CAMTA1: variants seen among roughly 807,000 people sequenced by gnomAD.
The protein encoded by CAMTA1 is calmodulin binding transcription activator 1, also known as calmodulin-binding transcription activator 1.
Under a neutral mutation model 170.9 loss-of-function variants are expected in CAMTA1, and 27 were observed. That is an observed-to-expected ratio of 0.16 (90% CI 0.12 to 0.22). The LOEUF (loss-of-function observed/expected upper bound fraction) is 0.22. Among genes scored for constraint, CAMTA1 ranks in the 10% least tolerant of loss-of-function variants. CAMTA1 has a pLI of 1.00. For missense variants in CAMTA1, 1,619 were observed against 2,217.2 expected, an observed-to-expected ratio of 0.73 and a Z score of 5.42; for synonymous variants, 833 against 891.5, an observed-to-expected ratio of 0.93 and a Z score of 1.17.
chr1:7,109,163 T>G (rs930938330), intron 4 of CAMTA1, among the ~76,000 whole-genome samples: 11 of 152,206 alleles, frequency 7.2e-5, no homozygotes, highest in African/African-American at 2.7e-4. Flanking sequence ...ATCTCACAAG[T>G]GACATCCTTT....
chr1:7,154,335 T>A (rs144711057), intron 4 of CAMTA1, among the ~76,000 whole-genome samples: 1,525 of 152,226 alleles, frequency 0.01, 26 homozygotes, highest in African/African-American at 0.034. Context: ...CCTGGAGTCA[T>A]TGATAAATGA....
chr1:7,255,300 T>TA (rs1188955107), intron 5 of CAMTA1, among the ~76,000 whole-genome samples: 1 of 151,870 alleles, frequency 6.6e-6, no homozygotes, highest in Non-Finnish European at 1.5e-5. Context: ...AATAAAAAAA[T>TA]AAAAAATTAT....
chr1:7,751,512 CTG>C (rs1228978247), intron 20 of CAMTA1, 120 bp downstream of exon 20: 2 of 782,064 alleles, frequency 2.6e-6, no homozygotes, highest in Non-Finnish European at 3.9e-6. Context: ...TTGGCAGTCA[CTG>C]TGTTCCAGAA....
intron 7 of CAMTA1, among the ~76,000 whole-genome samples, chr1:7,652,265 G>A (rs993377532): frequency 5.9e-5 from 9 of 152,168 alleles, no homozygotes; most frequent in Admixed American, 4.6e-4. Context: ...ATGCAGCGTT[G>A]CTGAGATGTC....
chr1:7,130,402 T>G (rs1645182777), intron 4 of CAMTA1, among the ~76,000 whole-genome samples: 1 of 152,244 alleles, frequency 6.6e-6, no homozygotes, highest in South Asian at 2.1e-4. Context: ...TTCTACTTTT[T>G]GGCTATTACA....
At chr1:7,431,950 C>T (rs911169081) in intron 5 of CAMTA1, among the ~76,000 whole-genome samples, 15 of 152,280 alleles carry the variant, frequency 9.9e-5, no homozygotes, top group Non-Finnish European at 1.9e-4. Flanking sequence ...ACTCTAGGAC[C>T]CCCGAAGGCA....
chr1:6,804,071 C>G (rs1159551715), intron 1 of CAMTA1, among the ~76,000 whole-genome samples: 4 of 151,992 alleles, frequency 2.6e-5, no homozygotes, highest in African/African-American at 4.8e-5. Context: ...GTAATCCTAG[C>G]TACTTGGGAG....
chr1:6,853,732 A>C (rs1196339776), intron 3 of CAMTA1, among the ~76,000 whole-genome samples: 1 of 152,226 alleles, frequency 6.6e-6, no homozygotes, highest in Non-Finnish European at 1.5e-5. Flanking sequence ...TAGAAAAGCC[A>C]TATTACTCAA....
chr1:7,147,692 GCACA>G (rs1312387144), intron 4 of CAMTA1, among the ~76,000 whole-genome samples: 6 of 143,582 alleles, frequency 4.2e-5, no homozygotes, highest in African/African-American at 7.9e-5. Context: ...CATACACCAT[GCACA>G]CACACAAACT....
chr1:7,089,114 ACG>A (rs1641132072), intron 3 of CAMTA1, among the ~76,000 whole-genome samples: 2 of 152,180 alleles, frequency 1.3e-5, no homozygotes, highest in Non-Finnish European at 2.9e-5. Context: ...GGCTCACACC[ACG>A]TAGATCTTAT....
chr1:7,549,998 C>A (rs2094776899), intron 6 of CAMTA1, among the ~76,000 whole-genome samples: 1 of 151,856 alleles, frequency 6.6e-6, no homozygotes, highest in African/African-American at 2.4e-5. Flanking sequence ...TCAAAGGAAT[C>A]TGAAAGAGGG....
intron 11 of CAMTA1, among the ~76,000 whole-genome samples, chr1:7,708,802 A>G (rs1235577164): frequency 6.6e-6 from 1 of 152,234 alleles, no homozygotes; most frequent in Non-Finnish European, 1.5e-5. Context: ...TAATGAGGGT[A>G]AATGTTTCTA....
chr1:7,577,418 C>T (rs914770474), intron 6 of CAMTA1, among the ~76,000 whole-genome samples: 1 of 152,208 alleles, frequency 6.6e-6, no homozygotes, highest in Admixed American at 6.5e-5. Context: ...CTCACCGTCA[C>T]AGACCATGGC....
At chr1:7,744,376 C>G (rs1287141596) in intron 16 of CAMTA1, among the ~76,000 whole-genome samples, 1 of 152,086 alleles carries the variant, frequency 6.6e-6, no homozygotes, top group Non-Finnish European at 1.5e-5. Context: ...AAGTGATCCA[C>G]CCACCTCGGC....
intron 3 of CAMTA1, among the ~76,000 whole-genome samples, chr1:6,881,979 G>GTAAAA (rs941028781): frequency 1.3e-5 from 2 of 152,020 alleles, no homozygotes; most frequent in African/African-American, 2.4e-5. Flanking sequence ...AAAAATAAAA[G>GTAAAA]TAAAATAAAA....
intron 6 of CAMTA1, among the ~76,000 whole-genome samples, chr1:7,540,534 A>G (rs1318249971): frequency 1.3e-5 from 2 of 152,216 alleles, no homozygotes; most frequent in Non-Finnish European, 2.9e-5. Flanking sequence ...TGTGAGTTCA[A>G]TAGATGTCTA....
At chr1:7,031,732 G>T (rs575159641) in intron 3 of CAMTA1, among the ~76,000 whole-genome samples, 4 of 151,932 alleles carry the variant, frequency 2.6e-5, no homozygotes, top group Non-Finnish European at 5.9e-5. Context: ...TAGTAGAGAC[G>T]GGGTTTCACT....
intron 6 of CAMTA1, among the ~76,000 whole-genome samples, chr1:7,504,425 A>T (rs770923177): frequency 3.5e-4 from 54 of 152,274 alleles, no homozygotes; most frequent in Non-Finnish European, 6.8e-4. Context: ...GTATCTGAGG[A>T]CCCTGCTAGA....
intron 6 of CAMTA1, among the ~76,000 whole-genome samples, chr1:7,556,011 G>A (rs1438168840): frequency 2.6e-5 from 4 of 152,202 alleles, no homozygotes; most frequent in East Asian, 1.9e-4. Context: ...GGCAGGCCAC[G>A]TCACACAGGA....
Sources: allele counts gnomAD v4.1 joint callset (sites outside exome capture counted in the v4.1 genomes callset), GRCh38; gene constraint gnomAD v4.1.1; transcripts MANE v1.5; gene names NCBI Gene and HGNC (gene_info 2026-07-23, HGNC 2026-07-21).